Variants in SERTAD1 observed in about 807,000 individuals in gnomAD.
The protein encoded by SERTAD1 is SERTA domain containing 1, also known as SERTA domain-containing protein 1.
SERTAD1 carries 5 observed loss-of-function variants against 11.7 expected under a neutral mutation model. The ratio of observed to expected loss-of-function variants is 0.43; its 90% confidence interval spans 0.22 to 0.90. SERTAD1 has a LOEUF of 0.90. Among genes scored for constraint, SERTAD1 ranks in the 40% least tolerant of loss-of-function variants. The pLI is 0.27. For missense variants in SERTAD1, 287 were observed against 313.9 expected (o/e 0.91, Z 0.65); for synonymous variants, 139 against 141.4 (o/e 0.98, Z 0.12).
Position 40,423,419 on chromosome 19 carries a change from C to G in SERTAD1, c.128G>C (p.Ser43Thr). 1 of 1,613,348 alleles carries G rather than the reference C, an allele frequency of 6.2e-7. No individual in the cohort carries two copies. The highest frequency in any genetic ancestry group is 8.5e-7 in the Non-Finnish European group (1 of 1,180,040). ...GAGCACTGAGAGGTCAAAGAGGGAG[C>G]TAGAGGCCACGGCCGGGGGTGCCTG... ...VAQAPPAVAS[S>T]SLFDLSVLKL... The change falls in exon 2 of 2, where the codon AGC (serine) becomes ACC (threonine). Residue 43 changes from serine to threonine, a missense_variant. Ser to Thr is a moderately conservative substitution (Grantham distance 58, BLOSUM62 1). Coordinates refer to ENST00000357949, the MANE Select transcript of SERTAD1 (RefSeq NM_013376.4).
rs1416368687 is a variant in SERTAD1 at position 40,422,277 on chromosome 19, C to T, written c.*559G>A. 3 of 147,280 alleles carry T rather than the reference C, an allele frequency of 2.0e-5. No homozygotes were observed. Among genetic ancestry groups the T allele is most frequent in the Non-Finnish European group, 3.0e-5 (2 of 66,788 alleles). 9.1% of individuals were successfully genotyped at this position (147,280 alleles called of 1,614,324 possible). Reference sequence around the variant, plus strand: ...TCTCAAAAAAAAAAAAAAAAAAGTTCATAATTTAAAACCCACCTCAAGTGA... The same window carrying T: ...TCTCAAAAAAAAAAAAAAAAAAGTTTATAATTTAAAACCCACCTCAAGTGA... On this transcript the variant is annotated 3_prime_UTR_variant, in exon 2 of 2. Coordinates refer to ENST00000357949, the MANE Select transcript of SERTAD1 (RefSeq NM_013376.4).
At chr19:40,425,015 G>A (rs546925098) in intron 1 of SERTAD1, among the ~76,000 whole-genome samples, 26 of 152,238 alleles carry the variant, frequency 1.7e-4, no homozygotes, top group South Asian at 1.7e-3. Flanking sequence ...AAAAGAGGGG[G>A]GATCTGAGAC....
chr19:40,425,454 G>A (rs1269313056), intron 1 of SERTAD1, among the ~76,000 whole-genome samples: 1 of 152,062 alleles, frequency 6.6e-6, no homozygotes, highest in Non-Finnish European at 1.5e-5. Flanking sequence ...CGGTGCCCAG[G>A]CCGGCTTTCC....
At chr19:40,425,616 C>G (rs1599674095) in intron 1 of SERTAD1, among the ~76,000 whole-genome samples, 2 of 152,294 alleles carry the variant, frequency 1.3e-5, no homozygotes, top group Non-Finnish European at 2.9e-5. Context: ...GCAGTGGAGG[C>G]GGCTCCTCCC....
intron 1 of SERTAD1, among the ~76,000 whole-genome samples, chr19:40,424,670 T>C (rs4150990): frequency 0.13 from 19,407 of 152,090 alleles, 1,452 homozygotes; most frequent in South Asian, 0.19. Flanking sequence ...AAGTCAGCCA[T>C]GGGAGACCCT....
chr19:40,423,385 G>A lies in SERTAD1; in HGVS notation c.162C>T (p.His54=), dbSNP rs763849190. 6.2e-7 allele frequency: 1 copy of A among 1,613,338 alleles called. No homozygotes were observed. The highest frequency in any genetic ancestry group is 8.5e-7 in the Non-Finnish European group (1 of 1,180,034). The change falls in exon 2 of 2, where the codon CAC becomes CAT. Residue 54 remains histidine (H), a synonymous_variant. Transcript: ENST00000357949. ...CCGGCTCACTCTGCTGCAGGCTGTG[G>A]TGGAGCTTGAGCACTGAGAGGTCAA... ...SLFDLSVLKL[H]HSLQQSEPDL...
rs1449376104 is a variant in SERTAD1 at position 40,422,757 on chromosome 19, C to G, written c.*79G>C. 7.1e-5 allele frequency: 103 copies of G among 1,442,198 alleles called. No homozygotes were observed. In the Admixed American group the frequency reaches 2.6e-3, roughly 36 times the overall value. The allele number at this position is 1,442,198 out of a possible 1,614,324, so 89.3% of individuals were successfully genotyped here. A position where few individuals can be genotyped will look rare whatever the true frequency, so the allele number is the denominator to read the frequency against. ...GCCCTGTTCTCTGTACTAGGGAAGCCAGCTGTGTCTTTTCGAGGACAGTTG... is the reference window on the plus strand; with the variant it reads ...GCCCTGTTCTCTGTACTAGGGAAGCGAGCTGTGTCTTTTCGAGGACAGTTG... On this transcript the variant is annotated 3_prime_UTR_variant, in exon 2 of 2. Transcript: ENST00000357949.
At chr19:40,424,692 T>C (rs1435092481) in intron 1 of SERTAD1, among the ~76,000 whole-genome samples, 1 of 152,028 alleles carries the variant, frequency 6.6e-6, no homozygotes, top group Non-Finnish European at 1.5e-5. Flanking sequence ...GGAAAAGCAT[T>C]CCGGGAGGAG....
chr19:40,423,471 G>C lies in SERTAD1; in HGVS notation c.76C>G (p.Leu26Val). The C allele has an allele frequency of 6.2e-7, 1 of 1,612,994 alleles. No individual in the cohort carries two copies. Among genetic ancestry groups the C allele is most frequent in the Middle Eastern group, 1.6e-4 (1 of 6,062 alleles). Residue 26 changes from leucine (L) to valine (V), a missense_variant, in exon 2 of 2, where the codon CTA (leucine) becomes GTA (valine). Physicochemically the swap from Leu to Val is conservative, Grantham distance 32. Transcript: ENST00000357949. ...KEPLAVDSWW[L>V]DPGHTAVAQA... ...GCCACCGCTGTGTGGCCAGGATCTA[G>C]CCACCAGGAGTCGACTGCCAGAGGT... is the stretch of plus-strand genomic sequence containing the variant.
In SERTAD1 at chr19:40,423,399, C is replaced by T; in HGVS notation, c.148G>A (p.Val50Met). 6.2e-7 allele frequency: 1 copy of T among 1,613,462 alleles called. No individual in the cohort carries two copies. The highest frequency in any genetic ancestry group is 1.1e-5 in the South Asian group (1 of 91,088). The change falls in exon 2 of 2, where the codon GTG becomes ATG. Residue 50 changes from valine to methionine, a missense_variant. Physicochemically the swap from Val to Met is conservative, Grantham distance 21. Transcript: ENST00000357949. ...VASSSLFDLS[V>M]LKLHHSLQQS... ...TGCAGGCTGTGGTGGAGCTTGAGCA[C>T]TGAGAGGTCAAAGAGGGAGCTAGAG... is the stretch of plus-strand genomic sequence containing the variant.
intron 1 of SERTAD1, among the ~76,000 whole-genome samples, chr19:40,424,116 G>C (rs990298301): frequency 6.6e-6 from 1 of 151,844 alleles, no homozygotes; most frequent in Non-Finnish European, 1.5e-5. Context: ...TCACTATATT[G>C]CCCAGGCTGG....
chr19:40,422,934 CCTT>C lies in SERTAD1; in HGVS notation c.610_612del (p.Lys204del). On this transcript the variant is annotated inframe_deletion, in exon 2 of 2. Transcript: ENST00000357949. ...GCCTCGTCCAGCTCCGGAGCTTCCT[CCTT>C]GCCCGGCCCATCCTCAGGGCCTGGT... The C allele has an allele frequency of 6.2e-7, 1 of 1,610,498 alleles. No individual in the cohort carries two copies. Among genetic ancestry groups the C allele is most frequent in the Admixed American group, 1.7e-5 (1 of 59,548 alleles).
At chr19:40,423,651 C>A in intron 1 of SERTAD1, 105 bp from the exon 2 acceptor site, 1 of 682,854 alleles carries the variant, frequency 1.5e-6, no homozygotes, top group South Asian at 1.9e-5. Flanking sequence ...TTGGGGAAGT[C>A]ACTTAACCTC....
rs1365557830 is a variant in SERTAD1, at chr19:40,423,601, A to T, written c.1-55T>A. ...AGTCAGTTATAGAAAACAAATGTTA[A>T]GTTCAAAGCCTGGATCTGACAGTTG... is the stretch of plus-strand genomic sequence containing the variant. On this transcript the variant is annotated intron_variant, in intron 1 of 1. Transcript: ENST00000357949. The T allele has an allele frequency of 7.6e-6, 9 of 1,180,956 alleles. No homozygotes were observed. The African/African-American group carries it at 1.2e-4, about 16-fold the overall frequency. 73.2% of individuals were successfully genotyped at this position (1,180,956 alleles called of 1,614,324 possible). A position where few individuals can be genotyped will look rare whatever the true frequency, so the allele number is the denominator to read the frequency against.
chr19:40,423,718 G>C (rs891119651), intron 1 of SERTAD1, among the ~76,000 whole-genome samples, 172 bp from the exon 2 acceptor site: 6 of 152,264 alleles, frequency 3.9e-5, no homozygotes, highest in African/African-American at 1.4e-4. Flanking sequence ...TTATTTAACT[G>C]TATATGTATA....
rs953054668 is a variant in SERTAD1, at chr19:40,422,146, A to C, written c.*690T>G. 2.0e-5 allele frequency: 3 copies of C among 151,656 alleles called. No homozygotes were observed. Among genetic ancestry groups the C allele is most frequent in the African/African-American group, 7.3e-5 (3 of 41,280 alleles). 9.4% of individuals were successfully genotyped at this position (151,656 alleles called of 1,614,324 possible). Reference sequence around the variant, plus strand: ...GTCTTAAAAAAAAAAGAAAGAAAAAAAAAAAGTGGCCTGGTAGGAGGATCG... The same window carrying C: ...GTCTTAAAAAAAAAAGAAAGAAAAACAAAAAGTGGCCTGGTAGGAGGATCG... On this transcript the variant is annotated 3_prime_UTR_variant, in exon 2 of 2. Transcript: ENST00000357949.
rs997777271 is a variant in SERTAD1, at chr19:40,422,547, G to A, written c.*289C>T. 2.3e-5 allele frequency: 9 copies of A among 387,806 alleles called. No individual in the cohort carries two copies. Among genetic ancestry groups the A allele is most frequent in the African/African-American group, 4.1e-5 (2 of 48,404 alleles). 24.0% of individuals were successfully genotyped at this position (387,806 alleles called of 1,614,324 possible). Reference sequence around the variant, plus strand: ...CTTTAATTTGAAAAATCTGATTGGGGTCTCTTCCCGTATCAGAGAAGGAAC... The same window carrying A: ...CTTTAATTTGAAAAATCTGATTGGGATCTCTTCCCGTATCAGAGAAGGAAC... On this transcript the variant is annotated 3_prime_UTR_variant, in exon 2 of 2. Transcript: ENST00000357949.
chr19:40,425,361 C>A (rs761326488), intron 1 of SERTAD1, among the ~76,000 whole-genome samples: 6 of 152,242 alleles, frequency 3.9e-5, no homozygotes, highest in Non-Finnish European at 5.9e-5. Context: ...TCTTCGTCCC[C>A]TTCCCCGCAG....
At position 40,423,914 on chromosome 19, in the gene SERTAD1, G is replaced by C. The variant is rs1050957427; in HGVS notation, c.1-368C>G. 7.2e-5 allele frequency among the ~76,000 whole-genome samples: 11 copies of C among 152,086 alleles called. No homozygotes were observed. In the East Asian group the frequency reaches 2.1e-3, roughly 29 times the overall value. ...GCTAATTTTTATATTTTTAGAAGAA[G>C]CATGGTTTCACCATGTTGGCCAGGC... is the stretch of plus-strand genomic sequence containing the variant. On this transcript the variant is annotated intron_variant, in intron 1 of 1. Coordinates refer to ENST00000357949, the MANE Select transcript of SERTAD1 (RefSeq NM_013376.4).
Sources: allele counts gnomAD v4.1 joint callset (sites outside exome capture counted in the v4.1 genomes callset), GRCh38; gene constraint gnomAD v4.1.1; transcripts MANE v1.5; gene names NCBI Gene and HGNC (gene_info 2026-07-23, HGNC 2026-07-21).